USH2A: variants seen among roughly 807,000 people sequenced by gnomAD.
The protein encoded by USH2A is Usher syndrome 2A (autosomal recessive, mild).
Under a neutral mutation model 538.9 loss-of-function variants are expected in USH2A, and 443 were observed. That is an observed-to-expected ratio of 0.82 (90% confidence interval 0.76 to 0.89). The LOEUF (loss-of-function observed/expected upper bound fraction) is 0.89, where lower values mean the gene tolerates loss of function less well. Ranked by LOEUF, USH2A falls within the 40% of genes least tolerant of loss-of-function variation. The pLI is 0.00. For missense variants in USH2A, 6,633 were observed against 6,324.8 expected, an observed-to-expected ratio of 1.05 and a Z score of -1.65; for synonymous variants, 2,413 against 2,273.5, an observed-to-expected ratio of 1.06 and a Z score of -1.75.
chr1:215,860,159 C>T (rs932348491), intron 44 of USH2A, among the ~76,000 whole-genome samples: 2 of 152,212 alleles, frequency 1.3e-5, no homozygotes, highest in Non-Finnish European at 2.9e-5. Context: ...AATACTACAG[C>T]CATGCTTCTT....
At chr1:215,837,473 C>A (rs544809438) in intron 47 of USH2A, among the ~76,000 whole-genome samples, 5 of 152,074 alleles carry the variant, frequency 3.3e-5, no homozygotes, top group South Asian at 2.1e-4. Flanking sequence ...TAAAGAGACT[C>A]GCTTTCAAAC....
chr1:216,167,872 C>T (rs934656736), intron 21 of USH2A, among the ~76,000 whole-genome samples: 4 of 152,060 alleles, frequency 2.6e-5, no homozygotes, highest in African/African-American at 7.2e-5. Flanking sequence ...ATGAATTTGC[C>T]GCCAGTAACA....
chr1:216,261,752 A>G (rs2036377694), intron 11 of USH2A, among the ~76,000 whole-genome samples: 1 of 152,068 alleles, frequency 6.6e-6, no homozygotes, highest in South Asian at 2.1e-4. Context: ...GAACCAGCTG[A>G]TCCACTGAAC....
intron 3 of USH2A, among the ~76,000 whole-genome samples, chr1:216,366,381 G>A (rs191144530): frequency 5.8e-4 from 88 of 152,204 alleles, no homozygotes; most frequent in African/African-American, 2.0e-3. Flanking sequence ...CTTTAATAGA[G>A]GGGGAGGCTG....
At chr1:216,399,086 C>T (rs1436828688) in intron 3 of USH2A, among the ~76,000 whole-genome samples, 1 of 152,124 alleles carries the variant, frequency 6.6e-6, no homozygotes, top group East Asian at 1.9e-4. Flanking sequence ...AGCAGCAAGA[C>T]TTAGTGAAGT....
At chr1:215,829,195 A>G (rs950952884) in intron 47 of USH2A, among the ~76,000 whole-genome samples, 19 of 152,240 alleles carry the variant, frequency 1.2e-4, no homozygotes, top group African/African-American at 4.1e-4. Context: ...TCTCTGAAGC[A>G]GCAGCTTATA....
At chr1:216,107,089 A>G (rs766792002) in intron 21 of USH2A, among the ~76,000 whole-genome samples, 5 of 151,876 alleles carry the variant, frequency 3.3e-5, no homozygotes, top group Non-Finnish European at 7.4e-5. Flanking sequence ...TTCCATGTAC[A>G]TTTGAAAAAC....
intron 47 of USH2A, among the ~76,000 whole-genome samples, chr1:215,837,735 A>G (rs917272454): frequency 6.6e-6 from 1 of 152,236 alleles, no homozygotes; most frequent in African/African-American, 2.4e-5. Flanking sequence ...ATAAGGAGAC[A>G]TGTATTTCAA....
chr1:215,965,279 T>C, intron 37 of USH2A, 38 bp downstream of exon 37: 1 of 1,583,072 alleles, frequency 6.3e-7, no homozygotes, highest in Non-Finnish European at 8.6e-7. Flanking sequence ...AGTTGTTTTC[T>C]AATGTTATTT....
At chr1:216,261,056 A>G (rs1158968716) in intron 11 of USH2A, among the ~76,000 whole-genome samples, 2 of 152,198 alleles carry the variant, frequency 1.3e-5, no homozygotes, top group African/African-American at 4.8e-5. Flanking sequence ...TACAGAATAA[A>G]GCAGATGGCA....
At chr1:215,699,654 C>T (rs887492048) in intron 61 of USH2A, among the ~76,000 whole-genome samples, 1 of 152,240 alleles carries the variant, frequency 6.6e-6, no homozygotes, top group South Asian at 2.1e-4. Flanking sequence ...GTGATTTTTG[C>T]ACATTGATTT....
At chr1:215,734,352 T>C (rs1221951542) in intron 60 of USH2A, among the ~76,000 whole-genome samples, 1 of 152,194 alleles carries the variant, frequency 6.6e-6, no homozygotes, top group Non-Finnish European at 1.5e-5. Flanking sequence ...AAACCATTCT[T>C]TCCTCCTAGG....
At position 215,888,767 on chromosome 1, in the gene USH2A, G is replaced by A. The variant is rs1452949901; in HGVS notation, c.7882C>T (p.Pro2628Ser). The change falls in exon 41 of 72, where the codon CCA becomes TCA. Residue 2628 changes from proline to serine, a missense_variant. Coordinates refer to ENST00000307340, the MANE Select transcript of USH2A (RefSeq NM_206933.4). ...WTLPGAPEGI[P>S]SPELFSDTPT... Reference sequence around the variant, plus strand: ...GTATCAGAGAACAGCTCTGGACTTGGGATCCCTTCCGGTGCCCCTGGGAGT... The same window carrying A: ...GTATCAGAGAACAGCTCTGGACTTGAGATCCCTTCCGGTGCCCCTGGGAGT... The A allele has an allele frequency of 1.2e-6, 2 of 1,614,046 alleles. No individual in the cohort carries two copies. The highest frequency in any genetic ancestry group is 2.2e-5 in the South Asian group (2 of 91,076).
At chr1:216,250,839 A>G in intron 12 of USH2A, 64 bp downstream of exon 12, 5 of 1,563,798 alleles carry the variant, frequency 3.2e-6, no homozygotes, top group Non-Finnish European at 4.4e-6. Flanking sequence ...TTAAGAAATC[A>G]AATAGAGAAT....
chr1:216,215,181 C>T (rs1271447298), intron 15 of USH2A, among the ~76,000 whole-genome samples: 2 of 152,078 alleles, frequency 1.3e-5, no homozygotes, highest in African/African-American at 4.8e-5. Flanking sequence ...GATGATATTA[C>T]TAAATTATTG....
intron 32 of USH2A, among the ~76,000 whole-genome samples, chr1:216,042,875 C>T (rs1003614501): frequency 1.3e-5 from 2 of 151,976 alleles, no homozygotes; most frequent in African/African-American, 4.8e-5. Flanking sequence ...GGAAAAAATA[C>T]CAAGGATGAA....
intron 30 of USH2A, among the ~76,000 whole-genome samples, chr1:216,059,306 T>C (rs548228629): frequency 3.9e-5 from 6 of 152,296 alleles, no homozygotes; most frequent in Admixed American, 2.6e-4. Context: ...CCTTGACAAC[T>C]CTTTATATGG....
intron 60 of USH2A, among the ~76,000 whole-genome samples, chr1:215,731,315 C>A (rs2797260): frequency 0.9 from 137,537 of 152,218 alleles, 62,881 homozygotes; most frequent in Non-Finnish European, 0.99. Flanking sequence ...TGGAGAAGTA[C>A]ATGTCCCATC....
intron 56 of USH2A, among the ~76,000 whole-genome samples, chr1:215,761,609 A>G (rs1020046942): frequency 6.6e-6 from 1 of 152,214 alleles, no homozygotes; most frequent in Non-Finnish European, 1.5e-5. Context: ...GCAAAATGTT[A>G]TGCTAAGCAC....
Sources: gnomAD v4.1 joint callset for allele counts (sites outside exome capture counted in the v4.1 genomes callset) on GRCh38, gnomAD v4.1.1 for gene constraint, MANE v1.5 for transcripts, NCBI Gene and HGNC (gene_info 2026-07-23, HGNC 2026-07-21) for gene names.